The following ECD variants were observed in gnomAD, a reference collection of about 807,000 sequenced individuals.
The protein encoded by ECD is ecdysoneless cell cycle regulator, also known as protein ecdysoneless homolog.
Under a neutral mutation model 77.2 loss-of-function variants are expected in ECD, and 59 were observed. The observed-to-expected ratio is 0.76, with a 90% CI of 0.62 to 0.95. The LOEUF (loss-of-function observed/expected upper bound fraction) is 0.95. Ranked by LOEUF, ECD falls within the 40% of genes least tolerant of loss-of-function variation. The probability of loss-of-function intolerance (pLI) is 0.00; values close to 1 mark genes in which losing one functional copy is unlikely to be tolerated. For synonymous variants in ECD, 233 were observed against 267.4 expected (o/e 0.87, Z 1.26); for missense variants, 704 against 763.4 (o/e 0.92, Z 0.92).
intron 7 of ECD, among the ~76,000 whole-genome samples, chr10:73,149,812 CAAT>C (rs1843179817): frequency 6.6e-6 from 1 of 152,176 alleles, no homozygotes; most frequent in Non-Finnish European, 1.5e-5. Flanking sequence ...TTCCTATCAA[CAAT>C]GTCTGAGAAT....
rs1299781053 is a variant in ECD at position 73,136,963 on chromosome 10, T to C, written c.1490-45A>G. On this transcript the variant is annotated intron_variant, in intron 12 of 13. Coordinates refer to ENST00000372979, the MANE Select transcript of ECD (RefSeq NM_007265.3). ...GAAAGAGCCACTTAGTAATTATTAT[T>C]ATTATTATTATTATTATTATTATTT... 3 of 896,402 alleles carry C rather than the reference T, an allele frequency of 3.3e-6. No homozygotes were observed. The East Asian group carries it at 1.1e-4, about 33-fold the overall frequency. The allele number at this position is 896,402 out of a possible 1,614,324, so 55.5% of individuals were successfully genotyped here.
intron 9 of ECD, among the ~76,000 whole-genome samples, chr10:73,144,657 T>G (rs951473016): frequency 3.3e-5 from 5 of 152,174 alleles, no homozygotes; most frequent in African/African-American, 4.8e-5. Context: ...TCTTTATTCC[T>G]TTACTTTCTT....
chr10:73,147,289 T>G (rs1353694445), intron 8 of ECD, among the ~76,000 whole-genome samples: 1 of 152,166 alleles, frequency 6.6e-6, no homozygotes, highest in Non-Finnish European at 1.5e-5. Context: ...GGCTCACGCC[T>G]GTAATCCCAG....
At chr10:73,164,007 AACTC>A in intron 1 of ECD, 57 bp from the exon 2 acceptor site, 3 of 1,477,880 alleles carry the variant, frequency 2.0e-6, no homozygotes, top group Non-Finnish European at 2.8e-6. Flanking sequence ...GTAACATCTG[AACTC>A]TTTTAGATGG....
chr10:73,159,489 T>C (rs1246815134), intron 3 of ECD, among the ~76,000 whole-genome samples: 4 of 152,250 alleles, frequency 2.6e-5, no homozygotes, highest in Non-Finnish European at 5.9e-5. Flanking sequence ...TGATTACTTC[T>C]GGGAAGCAAG....
At chr10:73,145,506 T>C (rs1843112591) in intron 9 of ECD, among the ~76,000 whole-genome samples, 1 of 152,118 alleles carries the variant, frequency 6.6e-6, no homozygotes. Context: ...TTTAAACTGT[T>C]TAAAAATTAT....
upstream of ECD, chr10:73,168,031 C>CTGAA (rs1216455347): frequency 2.5e-6 from 1 of 392,596 alleles, no homozygotes; most frequent in African/African-American, 2.2e-5. Context: ...GAGAGAAAGT[C>CTGAA]TGAAACCCAC....
intron 9 of ECD, among the ~76,000 whole-genome samples, chr10:73,141,672 A>G (rs745927873): frequency 3.8e-4 from 58 of 152,040 alleles, no homozygotes; most frequent in Non-Finnish European, 7.5e-4. Flanking sequence ...TCTCTTTAGC[A>G]TTTGATATTC....
chr10:73,153,935 G>A (rs569486874), intron 6 of ECD, among the ~76,000 whole-genome samples: 5 of 152,082 alleles, frequency 3.3e-5, no homozygotes, highest in African/African-American at 1.2e-4. Flanking sequence ...AAAACTTTTT[G>A]AGTCCCAACG....
In ECD at chr10:73,154,424, T is replaced by A. The variant is rs990243964; in HGVS notation, c.615A>T (p.Ser205=). 5.0e-6 allele frequency: 8 copies of A among 1,610,616 alleles called. No homozygotes were observed. The highest frequency in any genetic ancestry group is 6.8e-6 in the Non-Finnish European group (8 of 1,179,094). Residue 205 remains serine, a synonymous_variant, in exon 6 of 14, where the codon TCA becomes TCT. Coordinates refer to ENST00000372979, the MANE Select transcript of ECD (RefSeq NM_007265.3). The part of the protein sequence containing the change: ...IRGYPEKIQA[S]LHRAHCFLPA... ...GAAGGAAGCAGTGTGCTCGATGAAGTGAGGCCTGAATTTTTTCTGGGTACC... is the reference window on the plus strand; with the variant it reads ...GAAGGAAGCAGTGTGCTCGATGAAGAGAGGCCTGAATTTTTTCTGGGTACC...
intron 6 of ECD, 120 bp downstream of exon 6, chr10:73,154,136 G>T: frequency 9.8e-7 from 1 of 1,018,210 alleles, no homozygotes; most frequent in Non-Finnish European, 1.4e-6. Context: ...TTTTTTTCTA[G>T]AGAACAATTA....
intron 7 of ECD, among the ~76,000 whole-genome samples, chr10:73,150,663 T>C (rs1030923212): frequency 4.6e-5 from 7 of 151,958 alleles, no homozygotes; most frequent in African/African-American, 1.7e-4. Context: ...ACAAAGAACT[T>C]AAACAAATTT....
chr10:73,157,048 C>CT (rs944761707), intron 3 of ECD, among the ~76,000 whole-genome samples: 120 of 145,540 alleles, frequency 8.2e-4, no homozygotes, highest in Admixed American at 7.6e-4. Context: ...ATTTGCATCA[C>CT]TTTTTTTTTT....
chr10:73,167,466 G>T (rs1461245743), intron 1 of ECD, among the ~76,000 whole-genome samples: 1 of 152,054 alleles, frequency 6.6e-6, no homozygotes, highest in Non-Finnish European at 1.5e-5. Context: ...GTGATGCTTG[G>T]TAAAGAAAGA....
intron 5 of ECD, 45 bp from the exon 6 acceptor site, chr10:73,154,493 A>T: frequency 6.6e-7 from 1 of 1,509,564 alleles, no homozygotes; most frequent in Non-Finnish European, 8.9e-7. Context: ...GTATATAAAT[A>T]CCTATAATTC....
rs372164221 is a variant in ECD, at chr10:73,167,553, C to T, written c.-14+313G>A. 2.5e-4 allele frequency among the ~76,000 whole-genome samples: 38 copies of T among 152,202 alleles called. No homozygotes were observed. The East Asian group carries it at 5.4e-3, about 22-fold the overall frequency. Reference sequence around the variant, plus strand: ...TTCTAAGAGACTCGTAAGGAACCTGCTTCTTCTTATCCAGACACCCACTCA... The same window carrying T: ...TTCTAAGAGACTCGTAAGGAACCTGTTTCTTCTTATCCAGACACCCACTCA... On this transcript the variant is annotated intron_variant, in intron 1 of 13. Transcript: ENST00000372979.
chr10:73,157,667 A>G (rs1271996176), intron 3 of ECD, among the ~76,000 whole-genome samples: 6 of 151,500 alleles, frequency 4.0e-5, no homozygotes, highest in Admixed American at 6.6e-5. Context: ...GGTTGCGGTG[A>G]GCCGAGATCG....
rs1266948626 is a variant in ECD, at chr10:73,139,663, T to C, written c.1202A>G (p.Lys401Arg). The C allele has an allele frequency of 6.2e-7, 1 of 1,612,804 alleles. No homozygotes were observed. Residue 401 changes from lysine to arginine, a missense_variant, in exon 10 of 14, where the codon AAG becomes AGG. Around this residue, in one of 3 missense-constraint regions of ECD, gnomAD observed 559 missense variants for 583.7 expected, o/e 0.96. Transcript: ENST00000372979. ...TGGGGGAAGATTAGCTGCTTCTTTC[T>C]TAAGGTCTTCTATATCAAATGGTAT... ...QTIPFDIEDL[K>R]KEAANLPPED...
In ECD at chr10:73,165,473, T is replaced by C. The variant is rs189476102; in HGVS notation, c.-13-1523A>G. 4.6e-5 allele frequency among the ~76,000 whole-genome samples: 7 copies of C among 152,178 alleles called. No individual in the cohort carries two copies. The East Asian group carries it at 1.4e-3, about 29-fold the overall frequency. ...TTCAAGCGATTCTTTTGCCTCAGCCTCCCGAGTAGCTGGGACTATAGGCGC... is the reference window on the plus strand; with the variant it reads ...TTCAAGCGATTCTTTTGCCTCAGCCCCCCGAGTAGCTGGGACTATAGGCGC... On this transcript the variant is annotated intron_variant, in intron 1 of 13. Coordinates refer to ENST00000372979, the MANE Select transcript of ECD (RefSeq NM_007265.3).
Sources: allele counts gnomAD v4.1 joint callset (sites outside exome capture counted in the v4.1 genomes callset), GRCh38; gene constraint gnomAD v4.1.1; regional missense constraint gnomAD v4.1.1; transcripts MANE v1.5; gene names NCBI Gene and HGNC (gene_info 2026-07-23, HGNC 2026-07-21).